ERP27: variants seen among roughly 807,000 people sequenced by gnomAD.
The protein encoded by ERP27 is endoplasmic reticulum resident protein 27.
In ERP27, 23 loss-of-function variants were observed where a neutral mutation model predicts 27.7. That is an observed-to-expected ratio of 0.83 (90% CI 0.60 to 1.18). The LOEUF (loss-of-function observed/expected upper bound fraction) is 1.18. Ranked by LOEUF, ERP27 falls within the 50% of genes most tolerant of loss-of-function variation. ERP27 has a pLI of 0.00. For missense variants in ERP27, 363 were observed against 327.9 expected, an observed-to-expected ratio of 1.11 and a Z score of -0.83; for synonymous variants, 159 against 118.3, an observed-to-expected ratio of 1.34 and a Z score of -2.23.
At chr12:14,924,141 A>G (rs1863558539) in intron 3 of ERP27, among the ~76,000 whole-genome samples, 1 of 152,158 alleles carries the variant, frequency 6.6e-6, no homozygotes, top group Non-Finnish European at 1.5e-5. Context: ...GTCTTTCTGT[A>G]CAAGGCTTAT....
At chr12:14,917,531 C>A (rs1222649152) in intron 4 of ERP27, among the ~76,000 whole-genome samples, 1 of 152,120 alleles carries the variant, frequency 6.6e-6, no homozygotes, top group Non-Finnish European at 1.5e-5. Flanking sequence ...GTAACCAAGA[C>A]AATGTTGCAG....
chr12:14,919,242 C>T (rs1230222623), intron 4 of ERP27, among the ~76,000 whole-genome samples: 1 of 152,164 alleles, frequency 6.6e-6, no homozygotes, highest in Non-Finnish European at 1.5e-5. Flanking sequence ...ATTGAACTTG[C>T]TTCTTTAAAG....
At chr12:14,937,925 TG>T in intron 2 of ERP27, 26 bp downstream of exon 2, 2 of 1,595,934 alleles carry the variant, frequency 1.3e-6, no homozygotes, top group East Asian at 2.2e-5. Flanking sequence ...TTCTGGCTCT[TG>T]GGGGAATTGC....
chr12:14,914,617 CGTGT>C lies in ERP27; in HGVS notation c.*114_*117del. 3 of 785,710 alleles carry C rather than the reference CGTGT, an allele frequency of 3.8e-6. No individual in the cohort carries two copies. Among genetic ancestry groups the C allele is most frequent in the South Asian group, 3.3e-5 (2 of 59,794 alleles). 48.7% of individuals were successfully genotyped at this position (785,710 alleles called of 1,614,324 possible). ...ACGCGTGCGTGCGTGTGTGCACGTG[CGTGT>C]GTGTGTGGTTGGCAGGCCTAGTGAT... On this transcript the variant is annotated 3_prime_UTR_variant, in exon 7 of 7. Coordinates refer to ENST00000266397, the MANE Select transcript of ERP27 (RefSeq NM_152321.4).
chr12:14,917,430 C>G, intron 4 of ERP27, 127 bp from the exon 5 acceptor site: 1 of 1,271,182 alleles, frequency 7.9e-7, no homozygotes. Flanking sequence ...ATGGAACTAG[C>G]TTCCAAGATG....
chr12:14,937,774 A>C (rs1280565828), intron 2 of ERP27, among the ~76,000 whole-genome samples, 178 bp downstream of exon 2: 3 of 152,230 alleles, frequency 2.0e-5, no homozygotes, highest in African/African-American at 7.2e-5. Context: ...TAATTTAGAG[A>C]CTGGGAATGT....
chr12:14,931,965 G>A (rs556345045), intron 3 of ERP27, among the ~76,000 whole-genome samples: 2 of 152,284 alleles, frequency 1.3e-5, no homozygotes, highest in Non-Finnish European at 2.9e-5. Context: ...TTTCACAGAA[G>A]AATTTGATTT....
intron 3 of ERP27, among the ~76,000 whole-genome samples, chr12:14,927,854 T>C (rs1204812488): frequency 6.6e-6 from 1 of 152,106 alleles, no homozygotes; most frequent in African/African-American, 2.4e-5. Context: ...AGCTACATGA[T>C]CCATTATCCC....
intron 3 of ERP27, among the ~76,000 whole-genome samples, chr12:14,924,453 A>C (rs528175573): frequency 6.6e-6 from 1 of 152,336 alleles, no homozygotes; most frequent in African/African-American, 2.4e-5. Context: ...AGGAATGTTC[A>C]TACTGTTTTC....
intron 4 of ERP27, among the ~76,000 whole-genome samples, chr12:14,917,894 T>C (rs969926234): frequency 5.3e-5 from 8 of 152,202 alleles, no homozygotes; most frequent in African/African-American, 1.7e-4. Flanking sequence ...ATCAATGTTT[T>C]TTATTTGAAA....
chr12:14,924,056 T>G (rs546159239), intron 3 of ERP27, among the ~76,000 whole-genome samples: 1 of 152,204 alleles, frequency 6.6e-6, no homozygotes, highest in Non-Finnish European at 1.5e-5. Context: ...CAGCTTTCCA[T>G]AACCAGTATT....
intron 1 of ERP27, 74 bp from the exon 2 acceptor site, chr12:14,938,126 C>T (rs1411000391): frequency 2.0e-5 from 24 of 1,208,620 alleles, no homozygotes; most frequent in Non-Finnish European, 2.8e-5. Context: ...GGCATCTATA[C>T]CTTTTATCTC....
chr12:14,930,147 G>A (rs1240747056), intron 3 of ERP27, among the ~76,000 whole-genome samples: 1 of 151,910 alleles, frequency 6.6e-6, no homozygotes, highest in Admixed American at 6.6e-5. Context: ...AAACCTTCAT[G>A]TTATGCACAT....
At chr12:14,923,104 T>C (rs1863534684) in intron 3 of ERP27, among the ~76,000 whole-genome samples, 1 of 151,626 alleles carries the variant, frequency 6.6e-6, no homozygotes. Flanking sequence ...GCTAAGATCC[T>C]TGATTTTTGT....
chr12:14,922,737 G>C (rs1369900295), intron 3 of ERP27, among the ~76,000 whole-genome samples: 1 of 152,116 alleles, frequency 6.6e-6, no homozygotes, highest in African/African-American at 2.4e-5. Context: ...TTTCACAATA[G>C]ATCTAAAATC....
chr12:14,929,163 G>C, intron 3 of ERP27: 13 of 1,391,716 alleles, frequency 9.3e-6, no homozygotes, highest in Non-Finnish European at 1.2e-5. Context: ...ACTCTTTTCC[G>C]GGCAGTCCTT....
chr12:14,927,544 C>T (rs368422135), intron 3 of ERP27, among the ~76,000 whole-genome samples: 1 of 152,050 alleles, frequency 6.6e-6, no homozygotes, highest in African/African-American at 2.4e-5. Context: ...GAGGCCTGGA[C>T]TCCAACATTT....
rs148082021 is a variant in ERP27 at position 14,936,605 on chromosome 12, A to G, written c.195+1347T>C. On this transcript the variant is annotated intron_variant, in intron 2 of 6. Transcript: ENST00000266397. Reference sequence around the variant, plus strand: ...CTCATCTTTAAATGTAATCCCCATAATCCCCACATGTCAAGGGTGGGACCA... The same window carrying G: ...CTCATCTTTAAATGTAATCCCCATAGTCCCCACATGTCAAGGGTGGGACCA... Among the ~76,000 whole-genome samples, 822 of 152,178 alleles carry G rather than the reference A, an allele frequency of 5.4e-3. 6 individuals are homozygous for G. Among genetic ancestry groups the G allele is most frequent in the African/African-American group, 0.019 (780 of 41,516 alleles).
At chr12:14,932,219 T>C (rs1287613872) in intron 3 of ERP27, among the ~76,000 whole-genome samples, 2 of 152,146 alleles carry the variant, frequency 1.3e-5, no homozygotes, top group Non-Finnish European at 2.9e-5. Context: ...AGGAGACAGA[T>C]ACGTAAATAT....
Sources: gnomAD v4.1 joint callset for allele counts (sites outside exome capture counted in the v4.1 genomes callset) on GRCh38, gnomAD v4.1.1 for gene constraint, MANE v1.5 for transcripts, NCBI Gene and HGNC (gene_info 2026-07-23, HGNC 2026-07-21) for gene names.